GRID2IP: variants seen among roughly 807,000 people sequenced by gnomAD.
GRID2IP encodes Grid2 interacting protein.
GRID2IP carries 78 observed loss-of-function variants against 114.3 expected under a neutral mutation model. The ratio of observed to expected loss-of-function variants is 0.68; its 90% CI spans 0.57 to 0.82. The LOEUF (loss-of-function observed/expected upper bound fraction) is 0.82. GRID2IP is among the 40% of genes least tolerant of loss of function. The probability of loss-of-function intolerance (pLI) is 0.00; values close to 1 mark genes in which losing one functional copy is unlikely to be tolerated. For synonymous variants in GRID2IP, 809 were observed against 724.0 expected, an observed-to-expected ratio of 1.12 and a Z score of -1.89; for missense variants, 1,727 against 1,678.5, an observed-to-expected ratio of 1.03 and a Z score of -0.51.
chr7:6,543,113 G>A (rs756982410), intron 1 of GRID2IP, among the ~76,000 whole-genome samples: 4 of 152,268 alleles, frequency 2.6e-5, no homozygotes, highest in African/African-American at 4.8e-5. Flanking sequence ...GCCCACTTCC[G>A]GCCGGGTGCG....
At chr7:6,511,638 G>A (rs1382880110) in intron 8 of GRID2IP, among the ~76,000 whole-genome samples, 1 of 152,144 alleles carries the variant, frequency 6.6e-6, no homozygotes, top group Non-Finnish European at 1.5e-5. Context: ...CTCCCAAAGT[G>A]CTGGGATTAC....
chr7:6,501,965 TC>T, intron 19 of GRID2IP, 23 bp downstream of exon 19: 5 of 1,550,690 alleles, frequency 3.2e-6, no homozygotes, highest in Non-Finnish European at 4.4e-6. Context: ...TGCCTCTGCC[TC>T]CCCATCCACC....
At chr7:6,539,132 C>CT (rs1562524599) in intron 2 of GRID2IP, among the ~76,000 whole-genome samples, 1 of 114,672 alleles carries the variant, frequency 8.7e-6, no homozygotes, top group Non-Finnish European at 1.7e-5. Flanking sequence ...CAGACTGTGA[C>CT]CTTTTTTTTT....
In GRID2IP at chr7:6,529,960, TC is replaced by T. The variant is rs368555469; in HGVS notation, c.585-3192del. Among the ~76,000 whole-genome samples the T allele has an allele frequency of 4.7e-3, 214 of 45,922 alleles. 3 individuals are homozygous for T. The highest frequency in any genetic ancestry group is 0.014 in the South Asian group (21 of 1,486). 30.1% of individuals were successfully genotyped at this position (45,922 alleles called of 152,430 possible). A position where few individuals can be genotyped will look rare whatever the true frequency, so the allele number is the denominator to read the frequency against. On this transcript the variant is annotated intron_variant, in intron 2 of 21. Coordinates refer to ENST00000457091, the MANE Select transcript of GRID2IP (RefSeq NM_001145118.2). ...CCAGCTTTCTCTCTCTCTCTCTCTC[TC>T]TTTTTTTTTTTTTTTAAGACAAAGT...
At chr7:6,531,814 C>G (rs73344956) in intron 2 of GRID2IP, among the ~76,000 whole-genome samples, 1 of 152,130 alleles carries the variant, frequency 6.6e-6, no homozygotes. Context: ...TTTGGCACAC[C>G]AGGAGAGGGC....
chr7:6,546,940 C>A (rs542914778), intron 1 of GRID2IP, among the ~76,000 whole-genome samples: 1 of 152,266 alleles, frequency 6.6e-6, no homozygotes, highest in East Asian at 1.9e-4. Flanking sequence ...CTCGCACTCA[C>A]CAATATTTCT....
At chr7:6,545,276 C>T (rs1024248300) in intron 1 of GRID2IP, among the ~76,000 whole-genome samples, 3 of 152,062 alleles carry the variant, frequency 2.0e-5, no homozygotes, top group Admixed American at 6.6e-5. Flanking sequence ...AAGACCCTGT[C>T]TCCATAAATA....
In GRID2IP at chr7:6,507,624, G is replaced by T. The variant is rs1300145455; in HGVS notation, c.2544+361C>A. On this transcript the variant is annotated intron_variant, in intron 13 of 21. Transcript: ENST00000457091. This position sits in a 1 kb window ranked among gnomAD's most constrained non-coding sequence, Gnocchi z 5.3. ...AGCATACACTGCCAGTGTTGTGAGG[G>T]AGGAACTTCAAGCATCAAAGTGAAA... is the stretch of plus-strand genomic sequence containing the variant. Among the ~76,000 whole-genome samples the T allele has an allele frequency of 6.6e-6, 1 of 152,230 alleles. No homozygotes were observed.
intron 1 of GRID2IP, among the ~76,000 whole-genome samples, chr7:6,543,533 A>T (rs896539407): frequency 2.0e-5 from 3 of 152,086 alleles, no homozygotes; most frequent in Non-Finnish European, 4.4e-5. Flanking sequence ...CTCATCAGGC[A>T]GCCTTTCCTG....
intron 2 of GRID2IP, chr7:6,531,214 G>A (rs1779616899): frequency 2.2e-6 from 1 of 445,010 alleles, no homozygotes; most frequent in Non-Finnish European, 4.0e-6. Context: ...GAGCGCGCGC[G>A]GCCCCTCCCG....
In GRID2IP at chr7:6,508,133, G is replaced by T. The variant is rs1445131927; in HGVS notation, c.2396C>A (p.Pro799His). 3.3e-6 allele frequency: 5 copies of T among 1,509,510 alleles called. No individual in the cohort carries two copies. The highest frequency in any genetic ancestry group is 2.7e-6 in the Non-Finnish European group (3 of 1,128,356). 93.5% of individuals were successfully genotyped at this position (1,509,510 alleles called of 1,614,324 possible). Reference protein sequence around the residue: ...TQLSHPVPPPPPPPLPPPVPC... With the variant: ...TQLSHPVPPPHPPPLPPPVPC... ...CACGGGTGGGGGCAGGGGCGGTGGG[G>T]GTGGTGGAGGGACTGGGTGGCTGAG... is the stretch of plus-strand genomic sequence containing the variant. The change falls in exon 13 of 22, where the codon CCC becomes CAC. Residue 799 changes from proline to histidine, a missense_variant. Transcript: ENST00000457091. The surrounding 1 kb of genome is among the most constrained non-coding windows in gnomAD (Gnocchi z 5.6).
chr7:6,531,037 C>A, intron 2 of GRID2IP: 2 of 645,318 alleles, frequency 3.1e-6, no homozygotes, highest in Non-Finnish European at 5.6e-6. Flanking sequence ...CGCACGGTTC[C>A]CGGAGGCGCG....
In GRID2IP at chr7:6,516,087, AC is replaced by A. The variant is rs1185071794; in HGVS notation, c.1269-1559del. ...ACTCCAGCCTGGGTGACAGAGCAAGACCCCGTCTCAAAATAATAATAATAAA... is the reference window on the plus strand; with the variant it reads ...ACTCCAGCCTGGGTGACAGAGCAAGACCCGTCTCAAAATAATAATAATAAA... On this transcript the variant is annotated intron_variant, in intron 7 of 21. Coordinates refer to ENST00000457091, the MANE Select transcript of GRID2IP (RefSeq NM_001145118.2). This position sits in a 1 kb window ranked among gnomAD's most constrained non-coding sequence, Gnocchi z 4.3. Among the ~76,000 whole-genome samples the A allele has an allele frequency of 6.7e-6, 1 of 150,172 alleles. No individual in the cohort carries two copies. Among genetic ancestry groups the A allele is most frequent in the Non-Finnish European group, 1.5e-5 (1 of 67,720 alleles).
rs185758423 is a variant in GRID2IP, at chr7:6,499,177, A to G, written c.3400-949T>C. Among the ~76,000 whole-genome samples, 916 of 152,332 alleles carry G rather than the reference A, an allele frequency of 6.0e-3. 11 individuals are homozygous for G. Among genetic ancestry groups the G allele is most frequent in the Non-Finnish European group, 6.5e-3 (445 of 68,038 alleles). Reference sequence around the variant, plus strand: ...AACAAATTAAAGCACACAGGACTTTAGCAACTAGCCCAAGATCACACAGCA... The same window carrying G: ...AACAAATTAAAGCACACAGGACTTTGGCAACTAGCCCAAGATCACACAGCA... On this transcript the variant is annotated intron_variant, in intron 20 of 21. Transcript: ENST00000457091.
rs1786433509 is a variant in GRID2IP at position 6,502,134 on chromosome 7, A to G, written c.3151-16T>C. Reference sequence around the variant, plus strand: ...TGGAGTTCAGCTGCAAGTGACCCCCAATATACATTCCCGTCAAGGACCCCA... The same window carrying G: ...TGGAGTTCAGCTGCAAGTGACCCCCGATATACATTCCCGTCAAGGACCCCA... On this transcript the variant is annotated splice_polypyrimidine_tract_variant and intron_variant, in intron 18 of 21. Transcript: ENST00000457091. 1.9e-6 allele frequency: 3 copies of G among 1,550,410 alleles called. No individual in the cohort carries two copies. The highest frequency in any genetic ancestry group is 1.2e-5 in the South Asian group (1 of 84,010).
intron 20 of GRID2IP, 40 bp from the exon 21 acceptor site, chr7:6,498,268 GC>G: frequency 1.3e-6 from 2 of 1,504,834 alleles, no homozygotes; most frequent in African/African-American, 1.4e-5. Context: ...GCCCGCTTGT[GC>G]CCCCAGGGTC....
At chr7:6,533,146 G>T (rs1209044996) in intron 2 of GRID2IP, among the ~76,000 whole-genome samples, 1 of 152,144 alleles carries the variant, frequency 6.6e-6, no homozygotes, top group Admixed American at 6.6e-5. Flanking sequence ...CTGGCATCTA[G>T]GGGGTAGAGG....
In GRID2IP at chr7:6,520,884, TG is replaced by T. The variant is rs1779398734; in HGVS notation, c.1085-124del. 1 of 906,760 alleles carries T rather than the reference TG, an allele frequency of 1.1e-6. No homozygotes were observed. The highest frequency in any genetic ancestry group is 1.7e-5 in the African/African-American group (1 of 60,220). The allele number at this position is 906,760 out of a possible 1,614,324, so 56.2% of individuals were successfully genotyped here. A position where few individuals can be genotyped will look rare whatever the true frequency, so the allele number is the denominator to read the frequency against. ...GGGTGTGGCTGTCCAGTGCCATGCA[TG>T]GGAAGGCATGCCTGTGGCCCGACAC... On this transcript the variant is annotated intron_variant, in intron 6 of 21. Coordinates refer to ENST00000457091, the MANE Select transcript of GRID2IP (RefSeq NM_001145118.2). The surrounding 1 kb of genome is among the most constrained non-coding windows in gnomAD (Gnocchi z 4.6).
In GRID2IP at chr7:6,520,742, T is replaced by A; in HGVS notation, c.1104A>T (p.Ser368=). 2 of 1,551,250 alleles carry A rather than the reference T, an allele frequency of 1.3e-6. No individual in the cohort carries two copies. Among genetic ancestry groups the A allele is most frequent in the Non-Finnish European group, 1.7e-6 (2 of 1,146,754 alleles). ...AGGTGAGCGCCGACGACGGGTTGGG[T>A]GAGTCCAGAGAATCGGAGTCTGCTG... ...PFASDSDSLD[S]PNPSSALTSL... Residue 368 remains serine (S), a synonymous_variant, in exon 7 of 22, where the codon TCA becomes TCT. Coordinates refer to ENST00000457091, the MANE Select transcript of GRID2IP (RefSeq NM_001145118.2). The surrounding 1 kb of genome is among the most constrained non-coding windows in gnomAD (Gnocchi z 4.6).
Sources: gnomAD v4.1 joint callset for allele counts (sites outside exome capture counted in the v4.1 genomes callset) on GRCh38, gnomAD v4.1.1 for gene constraint, Gnocchi (gnomAD v3.1) non-coding constraint, MANE v1.5 for transcripts, NCBI Gene and HGNC (gene_info 2026-07-23, HGNC 2026-07-21) for gene names.